ASB3: variants seen among roughly 807,000 people sequenced by gnomAD.
ASB3 encodes the protein ankyrin repeat and SOCS box protein 3.
A neutral mutation model predicts 54.5 loss-of-function variants in ASB3; 41 were observed. That is an observed-to-expected ratio of 0.75 (90% CI 0.59 to 0.98). ASB3 has a LOEUF of 0.98. Ranked by LOEUF, ASB3 falls within the 50% of genes least tolerant of loss-of-function variation. The pLI, the probability that ASB3 is intolerant of heterozygous loss-of-function variation, is 0.00. For synonymous variants in ASB3, 266 were observed against 221.2 expected, an observed-to-expected ratio of 1.20 and a Z score of -1.80; for missense variants, 733 against 620.0, an observed-to-expected ratio of 1.18 and a Z score of -1.94.
chr2:53,729,430 G>C, intron 4 of ASB3, 28 bp downstream of exon 4: 1 of 1,607,452 alleles, frequency 6.2e-7, no homozygotes, highest in South Asian at 1.1e-5. Flanking sequence ...AATTTACATG[G>C]AAATGAAATA....
chr2:53,734,562 C>T (rs977311683), intron 3 of ASB3, among the ~76,000 whole-genome samples: 5 of 152,138 alleles, frequency 3.3e-5, no homozygotes, highest in Admixed American at 6.5e-5. Flanking sequence ...GAACAAGAGA[C>T]AAAAATACCT....
At chr2:53,776,729 C>A (rs1263730555) in intron 1 of ASB3, among the ~76,000 whole-genome samples, 1 of 152,140 alleles carries the variant, frequency 6.6e-6, no homozygotes, top group African/African-American at 2.4e-5. Flanking sequence ...TGAGGCAGAA[C>A]TATTGCCTGA....
chr2:53,731,301 C>T (rs890781432), intron 3 of ASB3, among the ~76,000 whole-genome samples: 1 of 152,130 alleles, frequency 6.6e-6, no homozygotes, highest in Non-Finnish European at 1.5e-5. Flanking sequence ...ACTTGAGAGG[C>T]TGAGGCAGGA....
At chr2:53,693,714 G>A (rs1223440533) in intron 9 of ASB3, among the ~76,000 whole-genome samples, 170 bp downstream of exon 9, 1 of 152,040 alleles carries the variant, frequency 6.6e-6, no homozygotes, top group Non-Finnish European at 1.5e-5. Flanking sequence ...TTTTACTGAA[G>A]GGAATTACTA....
At chr2:53,677,261 A>G (rs1228116364) in intron 9 of ASB3, among the ~76,000 whole-genome samples, 1 of 152,172 alleles carries the variant, frequency 6.6e-6, no homozygotes, top group Non-Finnish European at 1.5e-5. Flanking sequence ...ACTTTATAAT[A>G]TTTGCACAAT....
intron 1 of ASB3, chr2:53,775,232 T>C (rs1380308562): frequency 6.6e-6 from 1 of 152,654 alleles, no homozygotes; most frequent in African/African-American, 2.4e-5. Context: ...ATTAATCTTA[T>C]ACCAAAACTG....
At chr2:53,715,016 T>A (rs1005478802) in intron 6 of ASB3, among the ~76,000 whole-genome samples, 2 of 152,130 alleles carry the variant, frequency 1.3e-5, no homozygotes, top group Non-Finnish European at 2.9e-5. Context: ...TAGTTTTTCT[T>A]TTCCAATTAG....
intron 9 of ASB3, among the ~76,000 whole-genome samples, chr2:53,671,718 C>A (rs1667831679): frequency 8.8e-6 from 1 of 113,692 alleles, no homozygotes; most frequent in South Asian, 2.5e-4. Flanking sequence ...GAGATCATGC[C>A]ACTGCACTCC....
At chr2:53,773,920 A>C (rs551429821) in intron 1 of ASB3, among the ~76,000 whole-genome samples, 4 of 152,032 alleles carry the variant, frequency 2.6e-5, no homozygotes, top group Admixed American at 6.5e-5. Flanking sequence ...CTGTAATCCC[A>C]GTCACTTGAG....
chr2:53,720,153 A>C (rs80095046), intron 5 of ASB3, among the ~76,000 whole-genome samples: 2 of 145,402 alleles, frequency 1.4e-5, no homozygotes, highest in African/African-American at 5.1e-5. Context: ...AAAAAAAAAA[A>C]GGCAACCATT....
At chr2:53,693,593 G>C (rs1669029289) in intron 9 of ASB3, among the ~76,000 whole-genome samples, 1 of 151,998 alleles carries the variant, frequency 6.6e-6, no homozygotes, top group Non-Finnish European at 1.5e-5. Context: ...ACCTACTTTT[G>C]TGTATATAAT....
chr2:53,703,993 G>C (rs1669629800), intron 7 of ASB3, among the ~76,000 whole-genome samples: 1 of 152,078 alleles, frequency 6.6e-6, no homozygotes, highest in African/African-American at 2.4e-5. Flanking sequence ...AAGTTACCTG[G>C]TACCAGTATT....
intron 9 of ASB3, among the ~76,000 whole-genome samples, chr2:53,684,240 G>C (rs1373255247): frequency 3.9e-5 from 6 of 152,114 alleles, no homozygotes. Context: ...TTCTGCCAGT[G>C]GTCCACATTT....
intron 2 of ASB3, among the ~76,000 whole-genome samples, chr2:53,753,533 G>A (rs1672647018): frequency 6.6e-6 from 1 of 152,018 alleles, no homozygotes; most frequent in Non-Finnish European, 1.5e-5. Flanking sequence ...TATATACATG[G>A]GTTATAATAT....
intron 8 of ASB3, among the ~76,000 whole-genome samples, chr2:53,696,482 G>A (rs938368472): frequency 1.3e-5 from 2 of 152,122 alleles, no homozygotes; most frequent in African/African-American, 2.4e-5. Flanking sequence ...CCTCCAAGTA[G>A]TCCATTTAGT....
chr2:53,674,743 TTGTC>T (rs1444142743), intron 9 of ASB3, among the ~76,000 whole-genome samples: 2 of 152,194 alleles, frequency 1.3e-5, no homozygotes, highest in East Asian at 3.8e-4. Context: ...CATTAATATA[TTGTC>T]TTTCTCGTTG....
chr2:53,785,713 G>A (rs1674930925), intron 1 of ASB3, among the ~76,000 whole-genome samples: 1 of 152,140 alleles, frequency 6.6e-6, no homozygotes, highest in South Asian at 2.1e-4. Context: ...AGCGGCGCGC[G>A]CCTGTAATCC....
intron 1 of ASB3, among the ~76,000 whole-genome samples, chr2:53,783,197 C>T (rs1022160568): frequency 6.6e-6 from 1 of 151,906 alleles, no homozygotes; most frequent in African/African-American, 2.4e-5. Flanking sequence ...TAAGTGTTAT[C>T]CTCAAAGAAA....
At chr2:53,680,815 T>C (rs1010560710) in intron 9 of ASB3, among the ~76,000 whole-genome samples, 3 of 152,152 alleles carry the variant, frequency 2.0e-5, no homozygotes, top group Admixed American at 2.0e-4. Flanking sequence ...AAATAGATCT[T>C]ATTCATTCTA....
Sources: allele counts gnomAD v4.1 joint callset (sites outside exome capture counted in the v4.1 genomes callset), GRCh38; gene constraint gnomAD v4.1.1; transcripts MANE v1.5; gene names NCBI Gene and HGNC (gene_info 2026-07-23, HGNC 2026-07-21).